SEMA3E: variants seen among roughly 807,000 people sequenced by gnomAD.
SEMA3E encodes semaphorin-3E.
In SEMA3E, 49 loss-of-function variants were observed where a neutral mutation model predicts 93.6. The ratio of observed to expected loss-of-function variants is 0.52; its 90% CI spans 0.42 to 0.66. SEMA3E has a LOEUF of 0.66. Ranked by LOEUF, SEMA3E falls within the 30% of genes least tolerant of loss-of-function variation. SEMA3E has a pLI of 0.00. For missense variants in SEMA3E, 906 were observed against 964.8 expected, an observed-to-expected ratio of 0.94 and a Z score of 0.81; for synonymous variants, 363 against 330.7, an observed-to-expected ratio of 1.10 and a Z score of -1.06.
intron 14 of SEMA3E, among the ~76,000 whole-genome samples, chr7:83,389,609 A>G (rs1787951432): frequency 6.6e-6 from 1 of 151,638 alleles, no homozygotes; most frequent in Non-Finnish European, 1.5e-5. Context: ...ATATACACGT[A>G]TATATTACAT....
chr7:83,573,223 AATAG>A (rs1276044216), intron 1 of SEMA3E, among the ~76,000 whole-genome samples: 2 of 152,144 alleles, frequency 1.3e-5, no homozygotes, highest in African/African-American at 4.8e-5. Context: ...TCCAATTAAA[AATAG>A]ATAAAATACA....
intron 2 of SEMA3E, among the ~76,000 whole-genome samples, chr7:83,482,781 A>T (rs534861862): frequency 2.8e-4 from 43 of 152,258 alleles, no homozygotes; most frequent in Non-Finnish European, 4.3e-4. Context: ...AATAAAAATC[A>T]GATCTTGGAA....
chr7:83,484,411 CCTT>C (rs1381352674), intron 2 of SEMA3E, among the ~76,000 whole-genome samples: 4 of 152,180 alleles, frequency 2.6e-5, no homozygotes, highest in Non-Finnish European at 4.4e-5. Context: ...AGCTTACTAT[CCTT>C]CTCTTCACAT....
At chr7:83,492,350 C>G (rs1481870662) in intron 1 of SEMA3E, among the ~76,000 whole-genome samples, 1 of 151,928 alleles carries the variant, frequency 6.6e-6, no homozygotes, top group African/African-American at 2.4e-5. Flanking sequence ...GTGATTAATA[C>G]CTCATTATCC....
At chr7:83,436,369 C>T (rs1376817186) in intron 4 of SEMA3E, among the ~76,000 whole-genome samples, 1 of 150,924 alleles carries the variant, frequency 6.6e-6, no homozygotes, top group South Asian at 2.1e-4. Flanking sequence ...GAATAAGAAT[C>T]AAGATTTTTT....
intron 4 of SEMA3E, among the ~76,000 whole-genome samples, chr7:83,462,433 T>C (rs1337883525): frequency 6.6e-6 from 1 of 152,242 alleles, no homozygotes; most frequent in East Asian, 1.9e-4. Flanking sequence ...GCTGAGACAC[T>C]TTAACTAAAT....
At chr7:83,627,821 A>G (rs2115659904) in intron 1 of SEMA3E, among the ~76,000 whole-genome samples, 1 of 152,048 alleles carries the variant, frequency 6.6e-6, no homozygotes, top group South Asian at 2.1e-4. Context: ...ATTGCATTTA[A>G]GGTTAATATT....
chr7:83,466,367 T>C (rs749429012), intron 4 of SEMA3E, 115 bp downstream of exon 4: 50 of 1,247,208 alleles, frequency 4.0e-5, no homozygotes, highest in Middle Eastern at 1.9e-4. Flanking sequence ...GCAAACTGAT[T>C]CAGTACATCG....
chr7:83,584,888 C>T (rs950307684), intron 1 of SEMA3E, among the ~76,000 whole-genome samples: 1 of 152,044 alleles, frequency 6.6e-6, no homozygotes, highest in African/African-American at 2.4e-5. Context: ...CACAATCTTC[C>T]CCCAAAAAAC....
intron 1 of SEMA3E, among the ~76,000 whole-genome samples, chr7:83,631,225 A>G (rs1584376219): frequency 1.3e-5 from 2 of 152,256 alleles, no homozygotes; most frequent in African/African-American, 2.4e-5. Context: ...TGTTTAGCTC[A>G]TTTATCCAGA....
At chr7:83,519,510 G>A (rs942086796) in intron 1 of SEMA3E, among the ~76,000 whole-genome samples, 3 of 152,048 alleles carry the variant, frequency 2.0e-5, no homozygotes, top group Non-Finnish European at 4.4e-5. Flanking sequence ...AAATCACCAT[G>A]TTTATCATAT....
At chr7:83,517,858 T>C (rs1790963947) in intron 1 of SEMA3E, among the ~76,000 whole-genome samples, 2 of 152,134 alleles carry the variant, frequency 1.3e-5, no homozygotes, top group Admixed American at 1.3e-4. Context: ...AAGAGTAATT[T>C]GAAAGACAAG....
intron 1 of SEMA3E, among the ~76,000 whole-genome samples, chr7:83,493,332 G>A (rs1195627190): frequency 6.6e-6 from 1 of 151,716 alleles, no homozygotes; most frequent in Non-Finnish European, 1.5e-5. Flanking sequence ...CTTTTGCTCT[G>A]ACTCTAAATG....
intron 4 of SEMA3E, among the ~76,000 whole-genome samples, chr7:83,446,660 C>A (rs1332281600): frequency 6.6e-6 from 1 of 152,182 alleles, no homozygotes; most frequent in Admixed American, 6.5e-5. Flanking sequence ...CTCTACGTGA[C>A]CCTTCATAGT....
rs74564895 is a variant in SEMA3E at position 83,419,641 on chromosome 7, T to C, written c.457-1158A>G. ...AGCCTTCCTGACTGGTGTGAGATGA[T>C]ACCTCATTGTGGTTTTGATTTTCAT... is the stretch of plus-strand genomic sequence containing the variant. On this transcript the variant is annotated intron_variant, in intron 4 of 16. Coordinates refer to ENST00000643230, the MANE Select transcript of SEMA3E (RefSeq NM_012431.3). 3.4e-3 allele frequency among the ~76,000 whole-genome samples: 525 copies of C among 152,300 alleles called. 5 individuals are homozygous for C. The highest frequency in any genetic ancestry group is 0.012 in the African/African-American group (497 of 41,568).
intron 1 of SEMA3E, among the ~76,000 whole-genome samples, chr7:83,605,721 T>C (rs1793102776): frequency 6.6e-6 from 1 of 152,280 alleles, no homozygotes; most frequent in African/African-American, 2.4e-5. Context: ...CGTGAGCCAC[T>C]GTGCCTGGCC....
In SEMA3E at chr7:83,390,045, G is replaced by GCGTATGTGTATACGTATACACATATATA. The variant is rs1787976841; in HGVS notation, c.1667+2509_1667+2510insTATATATGTGTATACGTATACACATACG. 2.4e-4 allele frequency among the ~76,000 whole-genome samples: 7 copies of GCGTATGTGTATACGTATACACATATATA among 29,582 alleles called. No individual in the cohort carries two copies. The East Asian group carries it at 7.1e-3, about 30-fold the overall frequency. 19.4% of individuals were successfully genotyped at this position (29,582 alleles called of 152,430 possible). On this transcript the variant is annotated intron_variant, in intron 14 of 16. Coordinates refer to ENST00000643230, the MANE Select transcript of SEMA3E (RefSeq NM_012431.3). ...TATGTGTATACGTATACACATATAT[G>GCGTATGTGTATACGTATACACATATATA]CGCGTATACGTGTGCACATATATGC...
intron 16 of SEMA3E, among the ~76,000 whole-genome samples, chr7:83,369,716 T>TA (rs1198889831): frequency 6.6e-6 from 1 of 152,188 alleles, no homozygotes; most frequent in African/African-American, 2.4e-5. Flanking sequence ...GTTTTACTGA[T>TA]ACATTTTTCT....
At chr7:83,564,914 T>A (rs1792110399) in intron 1 of SEMA3E, among the ~76,000 whole-genome samples, 1 of 152,168 alleles carries the variant, frequency 6.6e-6, no homozygotes, top group Admixed American at 6.5e-5. Context: ...GGTGCTGGTT[T>A]TTTGAAAAAA....
Sources: allele counts gnomAD v4.1 joint callset (sites outside exome capture counted in the v4.1 genomes callset), GRCh38; gene constraint gnomAD v4.1.1; transcripts MANE v1.5; gene names NCBI Gene and HGNC (gene_info 2026-07-23, HGNC 2026-07-21).